Variants in NT5DC2 observed in about 807,000 individuals in gnomAD.
NT5DC2 encodes the protein 5'-nucleotidase domain-containing protein 2.
A neutral mutation model predicts 70.0 loss-of-function variants in NT5DC2; 41 were observed. The ratio of observed to expected loss-of-function variants is 0.59; its 90% CI spans 0.46 to 0.76. The LOEUF is 0.76. Ranked by LOEUF, NT5DC2 falls within the 30% of genes least tolerant of loss-of-function variation. The pLI, the probability that NT5DC2 is intolerant of heterozygous loss-of-function variation, is 0.00. For synonymous variants in NT5DC2, 299 were observed against 310.4 expected (o/e 0.96, Z 0.39); for missense variants, 705 against 783.2 (o/e 0.90, Z 1.19).
At position 52,529,470 on chromosome 3, in the gene NT5DC2, T is replaced by C; in HGVS notation, c.233-136A>G. On this transcript the variant is annotated intron_variant, in intron 1 of 13. Transcript: ENST00000422318. The surrounding 1 kb of genome is among the most constrained non-coding windows in gnomAD (Gnocchi z 4.1). The stretch of plus-strand genomic sequence containing the variant: ...ACAATGGCACCTCTTATTCCAGTGC[T>C]GGAGATGGTCAAACAGGCCCAGAGA... 1.2e-6 allele frequency: 1 copy of C among 809,370 alleles called. No homozygotes were observed. The highest frequency in any genetic ancestry group is 2.7e-5 in the East Asian group (1 of 37,344). 50.1% of individuals were successfully genotyped at this position (809,370 alleles called of 1,614,324 possible).
rs2079389866 is a variant in NT5DC2 at position 52,533,607 on chromosome 3, G to C, written c.131C>G (p.Pro44Arg). 8.0e-7 allele frequency: 1 copy of C among 1,244,208 alleles called. No homozygotes were observed. The highest frequency in any genetic ancestry group is 1.0e-6 in the Non-Finnish European group (1 of 995,122). The allele number at this position is 1,244,208 out of a possible 1,614,324, so 77.1% of individuals were successfully genotyped here. A position where few individuals can be genotyped will look rare whatever the true frequency, so the allele number is the denominator to read the frequency against. Reference sequence around the variant, plus strand: ...GGCGGGCGCGGAGCGCGGGACGCCGGGGCAGTGGGCGCCGGGACCCGGGGG... The same window carrying C: ...GGCGGGCGCGGAGCGCGGGACGCCGCGGCAGTGGGCGCCGGGACCCGGGGG... ...CGPPGPGAHC[P>R]GVPRSAPAQA... Residue 44 changes from proline to arginine, a missense_variant, in exon 1 of 14, where the codon CCC (proline) becomes CGC (arginine). Pro to Arg is a moderately radical substitution (Grantham distance 103). Transcript: ENST00000422318.
At chr3:52,532,467 C>T (rs1259093550) in intron 1 of NT5DC2, 1 of 985,318 alleles carries the variant, frequency 1.0e-6, no homozygotes, top group Non-Finnish European at 1.2e-6. Context: ...TACCATCCTG[C>T]CTTTACTGGT....
upstream of NT5DC2, chr3:52,534,811 T>A: frequency 4.6e-6 from 4 of 872,412 alleles, no homozygotes; most frequent in Non-Finnish European, 7.0e-6. Flanking sequence ...AGGGTGTGTG[T>A]ACATTCGAAA....
rs968997410 is a variant in NT5DC2, at chr3:52,531,394, T to A, written c.233-2060A>T. Among the ~76,000 whole-genome samples, 5 of 151,988 alleles carry A rather than the reference T, an allele frequency of 3.3e-5. No homozygotes were observed. The highest frequency in any genetic ancestry group is 7.4e-5 in the Non-Finnish European group (5 of 67,978). On this transcript the variant is annotated intron_variant, in intron 1 of 13. Coordinates refer to ENST00000422318, the MANE Select transcript of NT5DC2 (RefSeq NM_001134231.2). This position sits in a 1 kb window ranked among gnomAD's most constrained non-coding sequence, Gnocchi z 4.1. Reference sequence around the variant, plus strand: ...GCCTTGCCCTTCCCATGGCCCTGAGTTCCCGGATACCAACTGTGACTGTGA... The same window carrying A: ...GCCTTGCCCTTCCCATGGCCCTGAGATCCCGGATACCAACTGTGACTGTGA...
chr3:52,524,472 A>T lies in NT5DC2; in HGVS notation c.1672T>A (p.Ter558ArgextTer22). Residue 558 changes from the stop codon to arginine (R), a stop_lost, in exon 14 of 14, where the codon TGA (stop) becomes AGA (arginine). Transcript: ENST00000422318. Reference sequence around the variant, plus strand: ...TGTCCCAGACAATAAAGGTGCCCTCAGCGGATGTGGGCCATGTCACCAAGG... The same window carrying T: ...TGTCCCAGACAATAAAGGTGCCCTCTGCGGATGTGGGCCATGTCACCAAGG... ...PFLGDMAHIR[*>R] 1 of 1,612,802 alleles carries T rather than the reference A, an allele frequency of 6.2e-7. No homozygotes were observed. Among genetic ancestry groups the T allele is most frequent in the Non-Finnish European group, 8.5e-7 (1 of 1,179,982 alleles).
chr3:52,529,037 T>G lies in NT5DC2; in HGVS notation c.418-102A>C. 6.3e-7 allele frequency: 1 copy of G among 1,586,750 alleles called. No individual in the cohort carries two copies. The highest frequency in any genetic ancestry group is 8.6e-7 in the Non-Finnish European group (1 of 1,157,052). ...AATCCAGCCACCTGCCCAGGGCAGCTGCCAGGCAAGAGGGCCAGGGGAGCC... is the reference window on the plus strand; with the variant it reads ...AATCCAGCCACCTGCCCAGGGCAGCGGCCAGGCAAGAGGGCCAGGGGAGCC... On this transcript the variant is annotated intron_variant, in intron 2 of 13. Transcript: ENST00000422318. The surrounding 1 kb of genome is among the most constrained non-coding windows in gnomAD (Gnocchi z 4.1).
intron 10 of NT5DC2, 24 bp from the exon 11 acceptor site, chr3:52,525,319 C>T (rs1371658959): frequency 1.3e-6 from 2 of 1,589,756 alleles, no homozygotes; most frequent in Non-Finnish European, 1.7e-6. Context: ...GGGAATGCTG[C>T]TGAGCCAAGT....
chr3:52,527,418 G>T, intron 9 of NT5DC2, 43 bp from the exon 10 acceptor site: 5 of 1,599,686 alleles, frequency 3.1e-6, no homozygotes, highest in Non-Finnish European at 4.3e-6. Flanking sequence ...CTGTGGCTGG[G>T]CCACGGGCCG....
chr3:52,529,232 T>A lies in NT5DC2; in HGVS notation c.335A>T (p.Asp112Val), dbSNP rs1268669511. The stretch of plus-strand genomic sequence containing the variant: ...GTCTGCATACTGGGCCAGGGTGTAG[T>A]CGTAGTCAAAGCCGTAGACCTCAAC... ...RDVEVYGFDY[D>V]YTLAQYADAL... The change falls in exon 2 of 14, where the codon GAC (aspartate) becomes GTC (valine). Residue 112 changes from aspartate to valine, a missense_variant. Coordinates refer to ENST00000422318, the MANE Select transcript of NT5DC2 (RefSeq NM_001134231.2). The surrounding 1 kb of genome is among the most constrained non-coding windows in gnomAD (Gnocchi z 4.1). 8.7e-6 allele frequency: 14 copies of A among 1,613,820 alleles called. No individual in the cohort carries two copies. The highest frequency in any genetic ancestry group is 1.2e-5 in the Non-Finnish European group (14 of 1,179,926).
Position 52,527,931 on chromosome 3 carries a change from T to C in NT5DC2, c.833A>G (p.Glu278Gly). ...LMYQWIEQDMEKYILRGDETF... is the reference protein window; with the variant it reads ...LMYQWIEQDMGKYILRGDETF... Reference sequence around the variant, plus strand: ...CTCATCCCCTCTCAGGATGTACTTCTCTAATGGGGCAGATGAGTCTGTGAG... The same window carrying C: ...CTCATCCCCTCTCAGGATGTACTTCCCTAATGGGGCAGATGAGTCTGTGAG... The change falls in exon 8 of 14, where the codon GAG becomes GGG. Residue 278 changes from glutamate (E) to glycine (G), a missense_variant and splice_region_variant. Transcript: ENST00000422318. 1 of 1,613,580 alleles carries C rather than the reference T, an allele frequency of 6.2e-7. No individual in the cohort carries two copies. The highest frequency in any genetic ancestry group is 8.5e-7 in the Non-Finnish European group (1 of 1,180,012).
At position 52,533,488 on chromosome 3, in the gene NT5DC2, C is replaced by T. The variant is rs1160195583; in HGVS notation, c.232+18G>A. 2 of 1,495,038 alleles carry T rather than the reference C, an allele frequency of 1.3e-6. No individual in the cohort carries two copies. Among genetic ancestry groups the T allele is most frequent in the African/African-American group, 2.9e-5 (2 of 68,268 alleles). 92.6% of individuals were successfully genotyped at this position (1,495,038 alleles called of 1,614,324 possible). On this transcript the variant is annotated intron_variant, in intron 1 of 13. Coordinates refer to ENST00000422318, the MANE Select transcript of NT5DC2 (RefSeq NM_001134231.2). ...CGCGGAAGACACCCCGGCGCACGTC[C>T]CGCCCCGGCTCACCCACCGTGCACC... is the stretch of plus-strand genomic sequence containing the variant.
At position 52,525,109 on chromosome 3, in the gene NT5DC2, G is replaced by A. The variant is rs566854397; in HGVS notation, c.1207-6C>T. 5.7e-5 allele frequency: 90 copies of A among 1,575,152 alleles called. No individual in the cohort carries two copies. In the South Asian group the frequency reaches 7.6e-4, roughly 13 times the overall value. On this transcript the variant is annotated splice_polypyrimidine_tract_variant and splice_region_variant and intron_variant, in intron 11 of 13. Coordinates refer to ENST00000422318, the MANE Select transcript of NT5DC2 (RefSeq NM_001134231.2). ...CCGTGCCGCAGCATGAGATCCTGGT[G>A]GGTGGGGCGGCAGAACTGGGCTCAG...
At chr3:52,530,961 A>T (rs75685640) in intron 1 of NT5DC2, among the ~76,000 whole-genome samples, 22 of 152,100 alleles carry the variant, frequency 1.4e-4, no homozygotes, top group African/African-American at 5.3e-4. Context: ...CAGCTCTAAG[A>T]CTCCAGGGGA....
rs777510011 is a variant in NT5DC2, at chr3:52,524,830, G to A, written c.1399C>T (p.Arg467Trp). The A allele has an allele frequency of 5.0e-6, 8 of 1,612,566 alleles. No individual in the cohort carries two copies. The highest frequency in any genetic ancestry group is 2.2e-5 in the East Asian group (1 of 44,866). The change falls in exon 13 of 14, where the codon CGG becomes TGG. Residue 467 changes from arginine (R) to tryptophan (W), a missense_variant. Physicochemically the swap from Arg to Trp is moderately radical, Grantham distance 101. Transcript: ENST00000422318. ...RQVLAAWMKE[R>W]QELRCITKAL... ...CCACCTGCTCACCTCAGCTCCTGCC[G>A]CTCTTTCATCCAGGCAGCCAGCACC...
At chr3:52,527,401 T>G (rs2079293346) in intron 9 of NT5DC2, 26 bp from the exon 10 acceptor site, 1 of 1,611,702 alleles carries the variant, frequency 6.2e-7, no homozygotes, top group Non-Finnish European at 8.5e-7. Context: ...AGGGCATGAC[T>G]TCCAGTCTGT....
chr3:52,527,344 G>A lies in NT5DC2; in HGVS notation c.1069C>T (p.Leu357Phe), dbSNP rs2079291951. The A allele has an allele frequency of 1.2e-6, 2 of 1,614,050 alleles. No individual in the cohort carries two copies. ...AAGCGGGTGATCCGGTCCCACTGAA[G>A]TGAGCCCTTCTCATCGAGTTTTCTG... ...PFRKLDEKGS[L>F]QWDRITRLEK... Residue 357 changes from leucine (L) to phenylalanine (F), a missense_variant, in exon 10 of 14, where the codon CTT becomes TTT. Physicochemically the swap from Leu to Phe is conservative, Grantham distance 22. Coordinates refer to ENST00000422318, the MANE Select transcript of NT5DC2 (RefSeq NM_001134231.2).
At chr3:52,530,513 C>T (rs971758328) in intron 1 of NT5DC2, among the ~76,000 whole-genome samples, 2 of 152,178 alleles carry the variant, frequency 1.3e-5, no homozygotes, top group African/African-American at 4.8e-5. Context: ...AGGAATGTCA[C>T]CTCACCTCTT....
At chr3:52,532,995 G>A (rs944361612) in intron 1 of NT5DC2, among the ~76,000 whole-genome samples, 19 of 152,144 alleles carry the variant, frequency 1.2e-4, no homozygotes, top group Non-Finnish European at 1.5e-4. Flanking sequence ...CCCAGCCTTC[G>A]CTGCCCGGGC....
In NT5DC2 at chr3:52,528,167, G is replaced by C; in HGVS notation, c.771+16C>G. 6.2e-7 allele frequency: 1 copy of C among 1,613,062 alleles called. No individual in the cohort carries two copies. Among genetic ancestry groups the C allele is most frequent in the Non-Finnish European group, 8.5e-7 (1 of 1,180,040 alleles). On this transcript the variant is annotated intron_variant, in intron 6 of 13. Transcript: ENST00000422318. ...TAGTCTTTCCTGCCATCCGAGGGCA[G>C]GCCCAGCATCCTCACCGTCACGTCC...
Sources: gnomAD v4.1 joint callset for allele counts (sites outside exome capture counted in the v4.1 genomes callset) on GRCh38, gnomAD v4.1.1 for gene constraint, Gnocchi (gnomAD v3.1) non-coding constraint, MANE v1.5 for transcripts, NCBI Gene and HGNC (gene_info 2026-07-23, HGNC 2026-07-21) for gene names.